Variants in MAST4 observed in about 807,000 individuals in gnomAD.
MAST4 encodes the protein microtubule-associated serine/threonine-protein kinase 4.
Under a neutral mutation model 162.7 loss-of-function variants are expected in MAST4, and 89 were observed. The ratio of observed to expected loss-of-function variants is 0.55; its 90% CI spans 0.46 to 0.65. The LOEUF is 0.65. MAST4 is among the 30% of genes least tolerant of loss of function. MAST4 has a pLI of 0.00. For synonymous variants in MAST4, 1,479 were observed against 1,361.1 expected, an observed-to-expected ratio of 1.09 and a Z score of -1.91; for missense variants, 3,153 against 3,374.0, an observed-to-expected ratio of 0.93 and a Z score of 1.62.
intron 1 of MAST4, among the ~76,000 whole-genome samples, chr5:66,702,555 G>A (rs1174064789): frequency 2.0e-5 from 3 of 152,140 alleles, no homozygotes; most frequent in African/African-American, 7.2e-5. Flanking sequence ...TAACATTTGG[G>A]TAGAGGCCAG....
At chr5:67,040,454 G>A (rs1039761802) in intron 4 of MAST4, among the ~76,000 whole-genome samples, 1 of 152,094 alleles carries the variant, frequency 6.6e-6, no homozygotes, top group African/African-American at 2.4e-5. Flanking sequence ...CGTCTATATC[G>A]TGTCCACATC....
intron 4 of MAST4, among the ~76,000 whole-genome samples, chr5:66,954,478 T>C (rs1745063903): frequency 6.6e-6 from 1 of 152,226 alleles, no homozygotes; most frequent in African/African-American, 2.4e-5. Context: ...AATATTTATG[T>C]GGGCTGCTCT....
chr5:66,726,623 CA>C (rs1751537499), intron 1 of MAST4, among the ~76,000 whole-genome samples: 1 of 151,962 alleles, frequency 6.6e-6, no homozygotes. Flanking sequence ...TCAAATAGAT[CA>C]GGGGTCGCTA....
At chr5:66,937,215 A>G (rs1332405767) in intron 4 of MAST4, among the ~76,000 whole-genome samples, 2 of 152,216 alleles carry the variant, frequency 1.3e-5, no homozygotes, top group African/African-American at 4.8e-5. Context: ...AGGTACAGTG[A>G]ACAGGACACA....
intron 4 of MAST4, among the ~76,000 whole-genome samples, chr5:66,953,294 C>G: frequency 6.6e-6 from 1 of 152,182 alleles, no homozygotes; most frequent in Middle Eastern, 3.2e-3. Flanking sequence ...TTGGGGAGAT[C>G]TGTCCCTTGA....
At chr5:66,645,341 C>T (rs760113799) in intron 1 of MAST4, among the ~76,000 whole-genome samples, 4 of 152,124 alleles carry the variant, frequency 2.6e-5, no homozygotes, top group Non-Finnish European at 5.9e-5. Flanking sequence ...TTATCTAAAA[C>T]GTGGCATTAT....
chr5:66,897,537 C>T (rs1762763654), intron 3 of MAST4, among the ~76,000 whole-genome samples: 1 of 152,236 alleles, frequency 6.6e-6, no homozygotes, highest in African/African-American at 2.4e-5. Flanking sequence ...GTCTTGGCCA[C>T]AGCACATTCA....
At chr5:66,770,254 T>A (rs915780792) in intron 2 of MAST4, among the ~76,000 whole-genome samples, 1 of 152,266 alleles carries the variant, frequency 6.6e-6, no homozygotes, top group Admixed American at 6.5e-5. Context: ...GTTTGCTATC[T>A]AGGTGTTCTA....
rs376805435 is a variant in MAST4 at position 66,652,648 on chromosome 5, C to T, written c.363+55630C>T. ...AATGCAAGCTGAGAGAGAATAACAT[C>T]GTTTTCCTAATTTTTTTTTGTTGCC... On this transcript the variant is annotated intron_variant, in intron 1 of 28. Transcript: ENST00000403625. Among the ~76,000 whole-genome samples, 37 of 152,212 alleles carry T rather than the reference C, an allele frequency of 2.4e-4. 1 individual carries two copies. In the East Asian group the frequency reaches 4.2e-3, roughly 17 times the overall value.
Position 67,162,665 on chromosome 5 carries a change from C to T in MAST4, c.3844C>T (p.Arg1282Ter). The stretch of plus-strand genomic sequence containing the variant: ...GCCTTCTCCTTTACTCCACACCAGC[C>T]GAAGTTTCTCCTGCTTGAACAGATC... ...KQPSPLLHTSRSFSCLNRSLS... is the reference protein window; with the variant it reads ...KQPSPLLHTS The change falls in exon 28 of 29, where the codon CGA (arginine) becomes TGA (stop). Residue 1282 changes from arginine (R) to a stop codon, truncating the protein, a stop_gained. Transcript: ENST00000403625. LOFTEE classifies it high-confidence loss of function. The T allele has an allele frequency of 6.2e-7, 1 of 1,613,878 alleles. No individual in the cohort carries two copies. Among genetic ancestry groups the T allele is most frequent in the Admixed American group, 1.7e-5 (1 of 59,996 alleles).
chr5:66,786,779 C>T (rs1038607443), intron 2 of MAST4, among the ~76,000 whole-genome samples: 1 of 151,954 alleles, frequency 6.6e-6, no homozygotes, highest in African/African-American at 2.4e-5. Flanking sequence ...CATACCTTGC[C>T]CAAAAATATG....
At chr5:66,958,398 A>G (rs549882287) in intron 4 of MAST4, among the ~76,000 whole-genome samples, 2 of 152,346 alleles carry the variant, frequency 1.3e-5, no homozygotes, top group East Asian at 3.9e-4. Context: ...TTTAATAAAT[A>G]CAAGATGAAA....
At chr5:66,771,107 T>C (rs779032412) in intron 2 of MAST4, among the ~76,000 whole-genome samples, 2 of 152,186 alleles carry the variant, frequency 1.3e-5, no homozygotes, top group African/African-American at 4.8e-5. Context: ...GAGAGGAGGA[T>C]GTCTGGTAGT....
At chr5:67,109,053 T>C (rs1260382767) in intron 10 of MAST4, among the ~76,000 whole-genome samples, 2 of 152,174 alleles carry the variant, frequency 1.3e-5, no homozygotes, top group African/African-American at 4.8e-5. Flanking sequence ...CATCTGATTT[T>C]TTTCAAGAAA....
chr5:66,904,254 T>A (rs1377505736), intron 4 of MAST4, among the ~76,000 whole-genome samples: 1 of 152,184 alleles, frequency 6.6e-6, no homozygotes, highest in Non-Finnish European at 1.5e-5. Flanking sequence ...TGGCAGCCAC[T>A]ATTTATTTTT....
At chr5:67,099,477 G>A (rs956403643) in intron 7 of MAST4, among the ~76,000 whole-genome samples, 2 of 151,918 alleles carry the variant, frequency 1.3e-5, no homozygotes, top group South Asian at 4.2e-4. Context: ...TATTTATGAA[G>A]GATACTCTTA....
intron 7 of MAST4, among the ~76,000 whole-genome samples, 198 bp downstream of exon 7, chr5:67,095,873 G>A (rs1764406412): frequency 6.6e-6 from 1 of 152,152 alleles, no homozygotes; most frequent in Non-Finnish European, 1.5e-5. Context: ...CTTTTAAACT[G>A]TAGTGCATAA....
At chr5:66,733,711 G>A (rs1334083157) in intron 1 of MAST4, among the ~76,000 whole-genome samples, 5 of 152,008 alleles carry the variant, frequency 3.3e-5, no homozygotes, top group Non-Finnish European at 5.9e-5. Context: ...CACCCACCTC[G>A]GCCTCCCAAA....
chr5:67,138,537 G>A (rs149606398), intron 19 of MAST4, among the ~76,000 whole-genome samples: 177 of 151,960 alleles, frequency 1.2e-3, no homozygotes, highest in Middle Eastern at 3.4e-3. Context: ...AGGTTCAAGC[G>A]ATTCTCATGC....
Sources: allele counts gnomAD v4.1 joint callset (sites outside exome capture counted in the v4.1 genomes callset), GRCh38; gene constraint gnomAD v4.1.1; transcripts MANE v1.5; gene names NCBI Gene and HGNC (gene_info 2026-07-23, HGNC 2026-07-21).